Variants in GRHL2 observed in about 807,000 individuals in gnomAD.
The protein encoded by GRHL2 is grainyhead-like protein 2 homolog.
A neutral mutation model predicts 83.8 loss-of-function variants in GRHL2; 21 were observed. The ratio of observed to expected loss-of-function variants is 0.25; its 90% confidence interval spans 0.18 to 0.36. The LOEUF is 0.36. GRHL2 is among the 10% of genes least tolerant of loss of function. GRHL2 has a pLI of 1.00. For synonymous variants in GRHL2, 280 were observed against 278.9 expected, an observed-to-expected ratio of 1.00 and a Z score of -0.04; for missense variants, 623 against 781.8, an observed-to-expected ratio of 0.80 and a Z score of 2.42.
chr8:101,594,416 C>A (rs1812351437), intron 7 of GRHL2, among the ~76,000 whole-genome samples: 1 of 152,196 alleles, frequency 6.6e-6, no homozygotes, highest in Non-Finnish European at 1.5e-5. Flanking sequence ...AGGCTCAACA[C>A]CAGGTTACTG....
intron 1 of GRHL2, among the ~76,000 whole-genome samples, chr8:101,538,118 T>A (rs1811083026): frequency 1.3e-5 from 2 of 152,162 alleles, no homozygotes; most frequent in South Asian, 4.1e-4. Context: ...TTGTTTTGGA[T>A]CCCAAGTGTC....
rs555744898 is a variant in GRHL2, at chr8:101,557,481, C to G, written c.285-938C>G. On this transcript the variant is annotated intron_variant, in intron 3 of 15. Transcript: ENST00000646743. Reference sequence around the variant, plus strand: ...ACAGGTGATTCGCCTGCCTTGGGCTCCCAAAGTTCTGGGATTACAGGCGTG... The same window carrying G: ...ACAGGTGATTCGCCTGCCTTGGGCTGCCAAAGTTCTGGGATTACAGGCGTG... Among the ~76,000 whole-genome samples, 15 of 152,170 alleles carry G rather than the reference C, an allele frequency of 9.9e-5. No homozygotes were observed. The East Asian group carries it at 2.9e-3, about 29-fold the overall frequency.
intron 11 of GRHL2, among the ~76,000 whole-genome samples, chr8:101,634,934 T>C (rs528642880): frequency 2.4e-4 from 37 of 152,280 alleles, no homozygotes; most frequent in Non-Finnish European, 4.9e-4. Context: ...GCCCTGATAT[T>C]CAGGCTGTTT....
chr8:101,567,438 A>T (rs1275848768), intron 4 of GRHL2, among the ~76,000 whole-genome samples: 1 of 152,214 alleles, frequency 6.6e-6, no homozygotes, highest in Admixed American at 6.5e-5. Flanking sequence ...AATTCCTAAT[A>T]CTAATTTACT....
chr8:101,536,940 C>A (rs942814893), intron 1 of GRHL2, among the ~76,000 whole-genome samples: 1 of 151,956 alleles, frequency 6.6e-6, no homozygotes, highest in Non-Finnish European at 1.5e-5. Context: ...ACCCCCCGCC[C>A]TCTGGTAGGC....
At chr8:101,585,923 G>A (rs1193199733) in intron 7 of GRHL2, among the ~76,000 whole-genome samples, 5 of 152,094 alleles carry the variant, frequency 3.3e-5, no homozygotes, top group African/African-American at 1.2e-4. Context: ...TCCGCTGTGT[G>A]TGTGATGGGG....
intron 1 of GRHL2, among the ~76,000 whole-genome samples, chr8:101,507,365 A>C (rs1284517360): frequency 1.3e-5 from 2 of 152,106 alleles, no homozygotes; most frequent in Admixed American, 1.3e-4. Flanking sequence ...TTACTCATTA[A>C]ATTTTTTTCT....
At chr8:101,520,613 C>G (rs1320190032) in intron 1 of GRHL2, among the ~76,000 whole-genome samples, 3 of 152,058 alleles carry the variant, frequency 2.0e-5, no homozygotes, top group African/African-American at 4.8e-5. Flanking sequence ...ATGGATTGAA[C>G]AGAAAAGAGT....
At chr8:101,552,406 C>T (rs1182051620) in intron 2 of GRHL2, among the ~76,000 whole-genome samples, 1 of 152,194 alleles carries the variant, frequency 6.6e-6, no homozygotes, top group East Asian at 1.9e-4. Context: ...TGCTCCTCTC[C>T]CCTCTTACAC....
Position 101,557,339 on chromosome 8 carries a change from C to T in GRHL2, c.285-1080C>T, listed in dbSNP as rs1240292572. On this transcript the variant is annotated intron_variant, in intron 3 of 15. Transcript: ENST00000646743. ...TCCTGGGTTCAAGTGATTCTCCCACCTCAGCCTCCCGAGTAGCTGGGACTA... is the reference window on the plus strand; with the variant it reads ...TCCTGGGTTCAAGTGATTCTCCCACTTCAGCCTCCCGAGTAGCTGGGACTA... Among the ~76,000 whole-genome samples the T allele has an allele frequency of 2.0e-5, 3 of 151,742 alleles. No individual in the cohort carries two copies. In the East Asian group the frequency reaches 5.8e-4, roughly 29 times the overall value.
Position 101,543,445 on chromosome 8 carries a change from C to A in GRHL2, c.216+9C>A. ...TCTATGACTACTACAAGGTAGGTCC[C>A]CAGCCTCCACTTTTCTCTTCTTCCT... On this transcript the variant is annotated intron_variant, in intron 2 of 15. Coordinates refer to ENST00000646743, the MANE Select transcript of GRHL2 (RefSeq NM_024915.4). The A allele has an allele frequency of 6.2e-7, 1 of 1,613,124 alleles. No individual in the cohort carries two copies. The highest frequency in any genetic ancestry group is 1.1e-5 in the South Asian group (1 of 91,012).
intron 1 of GRHL2, among the ~76,000 whole-genome samples, chr8:101,513,117 T>G (rs1810496987): frequency 6.6e-6 from 1 of 152,204 alleles, no homozygotes; most frequent in African/African-American, 2.4e-5. Flanking sequence ...TTCCTAATTT[T>G]TTTTGAGTAG....
At chr8:101,651,101 T>G (rs1813613319) in intron 14 of GRHL2, among the ~76,000 whole-genome samples, 1 of 152,140 alleles carries the variant, frequency 6.6e-6, no homozygotes, top group South Asian at 2.1e-4. Flanking sequence ...TATATTGAAA[T>G]AAACCAAGAT....
intron 9 of GRHL2, among the ~76,000 whole-genome samples, chr8:101,631,396 CA>C (rs1813183370): frequency 6.6e-6 from 1 of 151,986 alleles, no homozygotes; most frequent in Non-Finnish European, 1.5e-5. Context: ...GGAAAGATAC[CA>C]AAAAAGGAGA....
chr8:101,652,532 G>GT (rs765839022), intron 14 of GRHL2, among the ~76,000 whole-genome samples: 1 of 79,704 alleles, frequency 1.3e-5, no homozygotes, highest in South Asian at 5.4e-4. Context: ...GTGTGTGTGT[G>GT]GTGTGTGTGT....
intron 8 of GRHL2, among the ~76,000 whole-genome samples, chr8:101,610,163 C>T (rs957492732): frequency 1.3e-5 from 2 of 150,796 alleles, no homozygotes. Flanking sequence ...GAGACTTCCC[C>T]ATGCTCTCCC....
At chr8:101,517,539 T>A (rs1286135473) in intron 1 of GRHL2, among the ~76,000 whole-genome samples, 1 of 152,212 alleles carries the variant, frequency 6.6e-6, no homozygotes, top group African/African-American at 2.4e-5. Flanking sequence ...TCAGGCTGCA[T>A]TTTGTATTTG....
At position 101,498,060 on chromosome 8, in the gene GRHL2, T is replaced by G. The variant is rs190795513; in HGVS notation, c.20+5271T>G. 1.9e-3 allele frequency among the ~76,000 whole-genome samples: 290 copies of G among 152,346 alleles called. 3 individuals carry two copies. The highest frequency in any genetic ancestry group is 6.5e-3 in the African/African-American group (270 of 41,578). On this transcript the variant is annotated intron_variant, in intron 1 of 15. Transcript: ENST00000646743. ...GCCTGCCAAAGGTCTAGCTAGGGTT[T>G]CTGGCTGAATCCCACTCATGTGCGA...
chr8:101,569,332 T>C (rs1811776157), intron 4 of GRHL2, among the ~76,000 whole-genome samples: 1 of 152,198 alleles, frequency 6.6e-6, no homozygotes, highest in Non-Finnish European at 1.5e-5. Context: ...CCAGAAAACC[T>C]ACTCTTAACA....
Sources: allele counts gnomAD v4.1 joint callset (sites outside exome capture counted in the v4.1 genomes callset), GRCh38; gene constraint gnomAD v4.1.1; transcripts MANE v1.5; gene names NCBI Gene and HGNC (gene_info 2026-07-23, HGNC 2026-07-21).